Variants in PRKN observed in about 807,000 individuals in gnomAD.
PRKN encodes parkin RBR E3 ubiquitin protein ligase, also known as E3 ubiquitin-protein ligase parkin.
Under a neutral mutation model 59.5 loss-of-function variants are expected in PRKN, and 56 were observed. The ratio of observed to expected loss-of-function variants is 0.94; its 90% CI spans 0.76 to 1.18. PRKN has a LOEUF of 1.18. PRKN is among the 50% of genes most tolerant of loss of function. The pLI, the probability that PRKN is intolerant of heterozygous loss-of-function variation, is 0.00. For missense variants in PRKN, 657 were observed against 596.4 expected, an observed-to-expected ratio of 1.10 and a Z score of -1.06; for synonymous variants, 250 against 222.1, an observed-to-expected ratio of 1.13 and a Z score of -1.12.
chr6:161,995,693 C>A (rs558168258), intron 5 of PRKN, among the ~76,000 whole-genome samples: 4 of 151,964 alleles, frequency 2.6e-5, no homozygotes, highest in Non-Finnish European at 5.9e-5. Context: ...AATGCAAGTC[C>A]AAACAGCAAT....
intron 9 of PRKN, among the ~76,000 whole-genome samples, chr6:161,543,803 A>T (rs1484946554): frequency 6.6e-6 from 1 of 152,198 alleles, no homozygotes; most frequent in African/African-American, 2.4e-5. Context: ...GAGAACTCAG[A>T]AGGTTTGATT....
At chr6:162,090,720 C>A (rs892299760) in intron 4 of PRKN, among the ~76,000 whole-genome samples, 2 of 151,932 alleles carry the variant, frequency 1.3e-5, no homozygotes, top group Non-Finnish European at 2.9e-5. Flanking sequence ...ATGTTTCAGA[C>A]AAAATATGAA....
chr6:161,843,594 T>C (rs1248589647), intron 6 of PRKN, among the ~76,000 whole-genome samples: 1 of 152,200 alleles, frequency 6.6e-6, no homozygotes, highest in Non-Finnish European at 1.5e-5. Context: ...GAGACCAATC[T>C]GGCCAACATG....
chr6:162,189,535 A>T (rs1398520253), intron 4 of PRKN, among the ~76,000 whole-genome samples: 1 of 151,332 alleles, frequency 6.6e-6, no homozygotes. Context: ...TCAAATAATA[A>T]TAATAGTAAT....
intron 6 of PRKN, among the ~76,000 whole-genome samples, chr6:161,817,242 T>A (rs1583202277): frequency 1.3e-5 from 2 of 152,342 alleles, no homozygotes; most frequent in East Asian, 3.9e-4. Flanking sequence ...AGACTTCTGA[T>A]AAACTCTGGG....
chr6:161,668,758 T>G (rs1028183068), intron 7 of PRKN, among the ~76,000 whole-genome samples: 1 of 152,196 alleles, frequency 6.6e-6, no homozygotes. Context: ...TATTAACTAA[T>G]TAACAATCCT....
At chr6:162,263,936 T>C (rs1319073151) in intron 2 of PRKN, among the ~76,000 whole-genome samples, 1 of 146,670 alleles carries the variant, frequency 6.8e-6, no homozygotes, top group Non-Finnish European at 1.5e-5. Context: ...GTTACTCATA[T>C]GCTTGCTACC....
At chr6:162,316,223 A>G (rs531757854) in intron 2 of PRKN, among the ~76,000 whole-genome samples, 4 of 151,988 alleles carry the variant, frequency 2.6e-5, no homozygotes, top group African/African-American at 7.2e-5. Flanking sequence ...GCAAAACTCC[A>G]TAAGAATTTT....
chr6:162,119,594 C>T (rs1780820628), intron 4 of PRKN, among the ~76,000 whole-genome samples: 1 of 152,118 alleles, frequency 6.6e-6, no homozygotes, highest in Non-Finnish European at 1.5e-5. Flanking sequence ...TCAAGTTCCC[C>T]AGCAGTGGCG....
intron 6 of PRKN, among the ~76,000 whole-genome samples, chr6:161,956,719 A>G (rs538806620): frequency 2.6e-5 from 4 of 152,320 alleles, no homozygotes; most frequent in African/African-American, 9.6e-5. Context: ...ATGCAATTAT[A>G]TATATAATTC....
intron 6 of PRKN, among the ~76,000 whole-genome samples, chr6:161,941,509 T>C (rs1000651454): frequency 1.3e-5 from 2 of 152,218 alleles, no homozygotes; most frequent in South Asian, 2.1e-4. Flanking sequence ...CCAAGGCCAC[T>C]TGTGATCCGA....
chr6:162,200,865 A>T (rs1447772235), intron 4 of PRKN, among the ~76,000 whole-genome samples: 3 of 152,114 alleles, frequency 2.0e-5, no homozygotes, highest in African/African-American at 7.2e-5. Context: ...TTTGCTGCCA[A>T]AGCACTCTCC....
rs1791350594 is a variant in PRKN at position 161,480,739 on chromosome 6, A to G, written c.1083+68115T>C. Among the ~76,000 whole-genome samples, 1 of 152,274 alleles carries G rather than the reference A, an allele frequency of 6.6e-6. No homozygotes were observed. Among genetic ancestry groups the G allele is most frequent in the South Asian group, 2.1e-4 (1 of 4,838 alleles). On this transcript the variant is annotated intron_variant, in intron 9 of 11. Coordinates refer to ENST00000366898, the MANE Select transcript of PRKN (RefSeq NM_004562.3). This position sits in a 1 kb window ranked among gnomAD's most constrained non-coding sequence, Gnocchi z 4.1. ...TGCTAAGTGAATGTTTTCTCTTGCC[A>G]GAAAGTATAATTAGTAATTTCAGGC...
chr6:161,367,043 TG>T (rs554235965), intron 10 of PRKN, among the ~76,000 whole-genome samples: 89 of 137,698 alleles, frequency 6.5e-4, no homozygotes, highest in Admixed American at 1.8e-3. Flanking sequence ...CAGGCTGGAC[TG>T]CAGTGGCGTG....
intron 4 of PRKN, among the ~76,000 whole-genome samples, chr6:162,065,921 T>C (rs1778319043): frequency 6.6e-6 from 1 of 152,220 alleles, no homozygotes; most frequent in Admixed American, 6.5e-5. Context: ...TATGACTGCA[T>C]AGAATTCCAT....
chr6:162,335,509 G>GGT (rs1312460705), intron 2 of PRKN, among the ~76,000 whole-genome samples: 2 of 152,004 alleles, frequency 1.3e-5, no homozygotes, highest in East Asian at 3.9e-4. Flanking sequence ...TATCTCTGAG[G>GGT]GTGTGCCTGT....
chr6:162,475,114 TTA>T (rs1181379168), intron 1 of PRKN, among the ~76,000 whole-genome samples: 4 of 152,152 alleles, frequency 2.6e-5, no homozygotes, highest in Non-Finnish European at 5.9e-5. Context: ...TTAAAAATGA[TTA>T]TGTGATGAAT....
chr6:161,581,421 C>T lies in PRKN; in HGVS notation c.872-12005G>A, dbSNP rs1247894361. On this transcript the variant is annotated intron_variant, in intron 7 of 11. Transcript: ENST00000366898. The surrounding 1 kb of genome is among the most constrained non-coding windows in gnomAD (Gnocchi z 4.5). ...TGACTTTAAAAATGTCAATTAACTA[C>T]CATGCCCAATAAGTACATAAGCAAA... 6.6e-6 allele frequency among the ~76,000 whole-genome samples: 1 copy of T among 152,122 alleles called. No homozygotes were observed. The highest frequency in any genetic ancestry group is 1.5e-5 in the Non-Finnish European group (1 of 68,024).
At chr6:161,984,136 C>G (rs1190801497) in intron 5 of PRKN, among the ~76,000 whole-genome samples, 1 of 152,104 alleles carries the variant, frequency 6.6e-6, no homozygotes, top group African/African-American at 2.4e-5. Context: ...AGATACCTGT[C>G]TGAGAACCAA....
Sources: allele counts gnomAD v4.1 joint callset (sites outside exome capture counted in the v4.1 genomes callset), GRCh38; gene constraint gnomAD v4.1.1; non-coding constraint Gnocchi (gnomAD v3.1); transcripts MANE v1.5; gene names NCBI Gene and HGNC (gene_info 2026-07-23, HGNC 2026-07-21).